Variants in ITPRID1 observed in about 807,000 individuals in gnomAD.
ITPRID1 encodes the protein protein ITPRID1.
ITPRID1 carries 96 observed loss-of-function variants against 95.4 expected under a neutral mutation model. The observed-to-expected ratio is 1.01, with a 90% CI of 0.85 to 1.19. ITPRID1 has a LOEUF of 1.19. Ranked by LOEUF, ITPRID1 falls within the 50% of genes most tolerant of loss-of-function variation. The probability of loss-of-function intolerance (pLI) is 0.00; values close to 1 mark genes in which losing one functional copy is unlikely to be tolerated. For missense variants in ITPRID1, 1,339 were observed against 1,252.9 expected, an observed-to-expected ratio of 1.07 and a Z score of -1.04; for synonymous variants, 510 against 453.6, an observed-to-expected ratio of 1.12 and a Z score of -1.58.
chr7:31,556,994 C>T (rs1033472067), intron 5 of ITPRID1, among the ~76,000 whole-genome samples: 2 of 151,908 alleles, frequency 1.3e-5, no homozygotes, highest in Admixed American at 6.6e-5. Flanking sequence ...CCTCAGTGTT[C>T]GTTGGCTTGC....
intron 1 of ITPRID1, among the ~76,000 whole-genome samples, chr7:31,521,234 C>T (rs1783240421): frequency 1.3e-5 from 2 of 151,956 alleles, no homozygotes; most frequent in South Asian, 4.2e-4. Flanking sequence ...CCAAACGTTG[C>T]TTTTGCTACA....
At chr7:31,555,105 C>T (rs928362930) in intron 5 of ITPRID1, 9 of 531,734 alleles carry the variant, frequency 1.7e-5, no homozygotes, top group African/African-American at 3.8e-5. Context: ...GGTTAAGGGC[C>T]GAACCCAGGG....
chr7:31,536,788 G>T (rs1290720376), intron 1 of ITPRID1, among the ~76,000 whole-genome samples: 3 of 152,058 alleles, frequency 2.0e-5, no homozygotes, highest in East Asian at 3.9e-4. Flanking sequence ...TGGGATTTTT[G>T]AGTTTATATA....
intron 1 of ITPRID1, among the ~76,000 whole-genome samples, chr7:31,516,157 G>T (rs917064388): frequency 2.0e-5 from 3 of 152,130 alleles, no homozygotes; most frequent in African/African-American, 7.2e-5. Flanking sequence ...AAAGGAAAGA[G>T]AATAAGGCTA....
chr7:31,532,619 C>G (rs570492687), intron 1 of ITPRID1, among the ~76,000 whole-genome samples: 1 of 152,126 alleles, frequency 6.6e-6, no homozygotes, highest in South Asian at 2.1e-4. Context: ...TGGTTTTTCT[C>G]CTTTATTCTG....
intron 1 of ITPRID1, among the ~76,000 whole-genome samples, chr7:31,519,620 C>CTATATATATATATATATATATATATATA (rs750544823): frequency 2.4e-4 from 6 of 25,262 alleles, no homozygotes; most frequent in African/African-American, 4.2e-4. Context: ...CTCTCTCTCT[C>CTATATATATATATATATATATATATATA]TATATATATA....
intron 1 of ITPRID1, among the ~76,000 whole-genome samples, chr7:31,531,870 A>T (rs936275701): frequency 1.0e-5 from 1 of 96,230 alleles, no homozygotes; most frequent in African/African-American, 3.0e-5. Context: ...GGGGTGTGTT[A>T]GGTTTTTGGG....
chr7:31,588,680 A>C (rs888972781), intron 10 of ITPRID1, among the ~76,000 whole-genome samples: 2 of 151,732 alleles, frequency 1.3e-5, no homozygotes, highest in African/African-American at 4.8e-5. Flanking sequence ...CAGAATATAA[A>C]ATTTGAGGAA....
chr7:31,629,833 ATTC>A (rs1342015905), intron 10 of ITPRID1, among the ~76,000 whole-genome samples: 1 of 152,212 alleles, frequency 6.6e-6, no homozygotes, highest in East Asian at 1.9e-4. Flanking sequence ...GCATCCATAT[ATTC>A]TTCCTGAAAA....
intron 1 of ITPRID1, among the ~76,000 whole-genome samples, chr7:31,536,341 AT>A (rs1783757482): frequency 1.3e-5 from 2 of 151,800 alleles, no homozygotes; most frequent in African/African-American, 4.8e-5. Flanking sequence ...ACATTTTTCA[AT>A]TTCCTGTTGG....
chr7:31,515,222 T>C (rs1783007586), intron 1 of ITPRID1, among the ~76,000 whole-genome samples: 1 of 150,890 alleles, frequency 6.6e-6, no homozygotes, highest in Non-Finnish European at 1.5e-5. Context: ...ACTTCTCCAC[T>C]AGAAAAATAC....
intron 10 of ITPRID1, among the ~76,000 whole-genome samples, chr7:31,586,466 A>C (rs1480970784): frequency 4.0e-5 from 6 of 151,708 alleles, no homozygotes; most frequent in Non-Finnish European, 8.8e-5. Context: ...ACAGTGTAAA[A>C]GTATTCCTAT....
Position 31,574,742 on chromosome 7 carries a change from G to A in ITPRID1, c.598G>A (p.Gly200Ser), listed in dbSNP as rs536235913. 1.3e-5 allele frequency: 21 copies of A among 1,613,542 alleles called. No homozygotes were observed. Among genetic ancestry groups the A allele is most frequent in the East Asian group, 6.7e-5 (3 of 44,800 alleles). Residue 200 changes from glycine to serine, a missense_variant and splice_region_variant, in exon 8 of 15, where the codon GGT (glycine) becomes AGT (serine). Gly to Ser is a moderately conservative substitution (Grantham distance 56, BLOSUM62 0). Coordinates refer to ENST00000615280, the MANE Select transcript of ITPRID1 (RefSeq NM_001257967.3). ...GGACATTGAGAACCCCAACTTGTAC[G>A]GTAAGCGAGGTGCCTGTGGCATTCG... ...RMDIENPNLY[G>S]RFRQLEILDH...
chr7:31,553,906 G>A (rs556338876), intron 3 of ITPRID1, among the ~76,000 whole-genome samples: 1 of 152,260 alleles, frequency 6.6e-6, no homozygotes, highest in South Asian at 2.1e-4. Context: ...ACTATTTGTT[G>A]AGCCAATGAT....
chr7:31,590,249 A>C (rs1785808100), intron 10 of ITPRID1, among the ~76,000 whole-genome samples: 1 of 152,102 alleles, frequency 6.6e-6, no homozygotes, highest in South Asian at 2.1e-4. Flanking sequence ...TTTAAAATTA[A>C]AATATAATTC....
intron 10 of ITPRID1, among the ~76,000 whole-genome samples, chr7:31,615,129 A>C (rs951506255): frequency 6.6e-6 from 1 of 152,218 alleles, no homozygotes; most frequent in Non-Finnish European, 1.5e-5. Flanking sequence ...TATAATCCAG[A>C]ACTTAGTCCT....
At chr7:31,529,563 A>T in intron 1 of ITPRID1, 1 of 510,922 alleles carries the variant, frequency 2.0e-6, no homozygotes, top group Non-Finnish European at 3.5e-6. Context: ...AGAAGTGGGT[A>T]GAGAGAATCA....
At chr7:31,537,952 C>T (rs1783812879) in intron 1 of ITPRID1, among the ~76,000 whole-genome samples, 1 of 152,150 alleles carries the variant, frequency 6.6e-6, no homozygotes, top group Non-Finnish European at 1.5e-5. Flanking sequence ...AAGAACCATA[C>T]ATTGTCACTA....
At chr7:31,556,448 G>T (rs1402477310) in intron 5 of ITPRID1, among the ~76,000 whole-genome samples, 1 of 152,130 alleles carries the variant, frequency 6.6e-6, no homozygotes, top group Non-Finnish European at 1.5e-5. Context: ...GCACAGAGTG[G>T]TCAAGTGCCA....
Sources: allele counts gnomAD v4.1 joint callset (sites outside exome capture counted in the v4.1 genomes callset), GRCh38; gene constraint gnomAD v4.1.1; transcripts MANE v1.5; gene names NCBI Gene and HGNC (gene_info 2026-07-23, HGNC 2026-07-21).